Variants in TASP1 observed in about 807,000 individuals in gnomAD.
TASP1 encodes taspase 1, also known as threonine aspartase 1.
In TASP1, 16 loss-of-function variants were observed where a neutral mutation model predicts 56.6. That is an observed-to-expected ratio of 0.28 (90% CI 0.19 to 0.43). TASP1 has a LOEUF of 0.43. TASP1 is among the 20% of genes least tolerant of loss of function. The pLI is 1.00. For synonymous variants in TASP1, 179 were observed against 184.2 expected, an observed-to-expected ratio of 0.97 and a Z score of 0.23; for missense variants, 393 against 511.6, an observed-to-expected ratio of 0.77 and a Z score of 2.24.
At chr20:13,496,698 G>T (rs1050718904) in intron 10 of TASP1, among the ~76,000 whole-genome samples, 1 of 152,056 alleles carries the variant, frequency 6.6e-6, no homozygotes, top group South Asian at 2.1e-4. Context: ...TAAAATAATG[G>T]TTCTAAATCC....
chr20:13,631,311 AT>A lies in TASP1; in HGVS notation c.-74-1160del, dbSNP rs1179174139. 1.5e-4 allele frequency among the ~76,000 whole-genome samples: 23 copies of A among 152,312 alleles called. No homozygotes were observed. In the South Asian group the frequency reaches 3.7e-3, roughly 25 times the overall value. ...AAAAATTTTTACTACAAAAGTGCTG[AT>A]TTTTAATTGAGTAACAGTAAATTTA... is the stretch of plus-strand genomic sequence containing the variant. On this transcript the variant is annotated intron_variant, in intron 1 of 13. Transcript: ENST00000337743.
chr20:13,321,253 T>C, the TASP1 span, among the ~76,000 whole-genome samples: 1 of 57,522 alleles, frequency 1.7e-5, no homozygotes, highest in African/African-American at 7.6e-5. Context: ...GTGCCCCACA[T>C]AAAAAAAAAA....
At chr20:13,344,816 C>T in the TASP1 span, among the ~76,000 whole-genome samples, 1 of 152,184 alleles carries the variant, frequency 6.6e-6, no homozygotes, top group Non-Finnish European at 1.5e-5. Flanking sequence ...GTGTTCACTC[C>T]ACACTGAGCA....
chr20:13,225,629 T>C, the TASP1 span, among the ~76,000 whole-genome samples: 9 of 152,190 alleles, frequency 5.9e-5, no homozygotes, highest in South Asian at 4.1e-4. Flanking sequence ...GAGTACACTC[T>C]CCATATTGGG....
At chr20:13,414,981 T>C (rs2042207070) in intron 13 of TASP1, among the ~76,000 whole-genome samples, 1 of 152,218 alleles carries the variant, frequency 6.6e-6, no homozygotes, top group Admixed American at 6.5e-5. Context: ...AACTAGCTCA[T>C]ATATGTTCAA....
At chr20:13,162,458 C>A in the TASP1 span, among the ~76,000 whole-genome samples, 2 of 152,084 alleles carry the variant, frequency 1.3e-5, no homozygotes, top group African/African-American at 2.4e-5. Context: ...GTGCCCATCT[C>A]AACAGAAAAT....
intron 8 of TASP1, among the ~76,000 whole-genome samples, chr20:13,553,240 C>T (rs1250239023): frequency 6.6e-6 from 1 of 152,114 alleles, no homozygotes; most frequent in African/African-American, 2.4e-5. Context: ...TCACTGTACT[C>T]CACCAAGAGT....
intron 5 of TASP1, among the ~76,000 whole-genome samples, chr20:13,582,781 C>A (rs138866904): frequency 2.0e-3 from 298 of 152,240 alleles, no homozygotes; most frequent in African/African-American, 6.7e-3. Flanking sequence ...TTCCAGTTAA[C>A]CGGTTTATTG....
At chr20:13,592,269 C>T (rs907694688) in intron 4 of TASP1, among the ~76,000 whole-genome samples, 1 of 151,762 alleles carries the variant, frequency 6.6e-6, no homozygotes, top group Non-Finnish European at 1.5e-5. Context: ...TGGTGGCGGG[C>T]ACCTGTAATC....
intron 8 of TASP1, among the ~76,000 whole-genome samples, chr20:13,556,389 C>A (rs1028656803): frequency 6.6e-6 from 1 of 152,162 alleles, no homozygotes; most frequent in African/African-American, 2.4e-5. Flanking sequence ...TTACCTCCCC[C>A]TTGGACTGAT....
At chr20:13,148,147 T>C in the TASP1 span, among the ~76,000 whole-genome samples, 3 of 152,206 alleles carry the variant, frequency 2.0e-5, no homozygotes, top group African/African-American at 7.2e-5. Flanking sequence ...GACTGAGTTG[T>C]CCTAAACATA....
chr20:13,255,957 G>A, the TASP1 span, among the ~76,000 whole-genome samples: 6 of 151,668 alleles, frequency 4.0e-5, no homozygotes, highest in East Asian at 9.7e-4. Context: ...CAGTTATAAA[G>A]AGGGAAAGAC....
intron 10 of TASP1, among the ~76,000 whole-genome samples, chr20:13,498,487 T>C (rs760474828): frequency 4.0e-5 from 6 of 151,734 alleles, no homozygotes; most frequent in Non-Finnish European, 8.8e-5. Flanking sequence ...GCCTCCCAAG[T>C]AGCTGGTACT....
At position 13,418,248 on chromosome 20, in the gene TASP1, C is replaced by G. The variant is rs112300763; in HGVS notation, c.1097-727G>C. On this transcript the variant is annotated intron_variant, in intron 12 of 13. Coordinates refer to ENST00000337743, the MANE Select transcript of TASP1 (RefSeq NM_017714.3). The stretch of plus-strand genomic sequence containing the variant: ...AATACCATTCTCTACGAAAAAGAAC[C>G]AGGATTCTTTGGAGAAATGTCCATT... Among the ~76,000 whole-genome samples, 667 of 152,206 alleles carry G rather than the reference C, an allele frequency of 4.4e-3. 2 individuals are homozygous for G. The highest frequency in any genetic ancestry group is 7.6e-3 in the Non-Finnish European group (516 of 68,018).
At chr20:13,210,504 G>A in the TASP1 span, among the ~76,000 whole-genome samples, 7 of 152,016 alleles carry the variant, frequency 4.6e-5, no homozygotes, top group Non-Finnish European at 5.9e-5. Flanking sequence ...TTTAATGGCC[G>A]TATGGTTTCA....
the TASP1 span, among the ~76,000 whole-genome samples, chr20:13,221,516 T>C: frequency 7.1e-6 from 1 of 141,288 alleles, no homozygotes; most frequent in South Asian, 2.3e-4. Context: ...CGCAGCCGGC[T>C]TGGACACCCC....
At chr20:13,392,347 C>T (rs1426365084) in intron 13 of TASP1, among the ~76,000 whole-genome samples, 1 of 152,108 alleles carries the variant, frequency 6.6e-6, no homozygotes, top group East Asian at 1.9e-4. Context: ...GAAGCCTTGA[C>T]CAGGCACCCA....
chr20:13,238,016 T>C, the TASP1 span: 1 of 152,162 alleles, frequency 6.6e-6, no homozygotes, highest in Non-Finnish European at 1.5e-5. Flanking sequence ...TCATTCCCCT[T>C]AAAAGGAACT....
intron 11 of TASP1, among the ~76,000 whole-genome samples, chr20:13,458,357 G>C (rs1053809274): frequency 3.3e-5 from 5 of 152,068 alleles, no homozygotes; most frequent in African/African-American, 1.2e-4. Flanking sequence ...TCGTTTGTTT[G>C]TTTGTTTTAG....
Sources: gnomAD v4.1 joint callset for allele counts (sites outside exome capture counted in the v4.1 genomes callset) on GRCh38, gnomAD v4.1.1 for gene constraint, MANE v1.5 for transcripts, NCBI Gene and HGNC (gene_info 2026-07-23, HGNC 2026-07-21) for gene names.